Variants in PIP5K1B observed in about 807,000 individuals in gnomAD.
PIP5K1B encodes phosphatidylinositol 4-phosphate 5-kinase type-1 beta.
Under a neutral mutation model 67.0 loss-of-function variants are expected in PIP5K1B, and 42 were observed. That is an observed-to-expected ratio of 0.63 (90% CI 0.49 to 0.81). The LOEUF (loss-of-function observed/expected upper bound fraction) is 0.81, where lower values mean the gene tolerates loss of function less well. Ranked by LOEUF, PIP5K1B falls within the 30% of genes least tolerant of loss-of-function variation. PIP5K1B has a pLI of 0.00. For missense variants in PIP5K1B, 459 were observed against 646.3 expected, an observed-to-expected ratio of 0.71 and a Z score of 3.14; for synonymous variants, 214 against 231.4, an observed-to-expected ratio of 0.92 and a Z score of 0.68.
At chr9:68,850,952 C>T (rs1022399763) in intron 4 of PIP5K1B, among the ~76,000 whole-genome samples, 2 of 152,124 alleles carry the variant, frequency 1.3e-5, no homozygotes, top group African/African-American at 2.4e-5. Context: ...ATATATACAG[C>T]AAATATAACA....
chr9:68,888,270 G>A (rs1824590310), intron 6 of PIP5K1B, among the ~76,000 whole-genome samples: 1 of 152,164 alleles, frequency 6.6e-6, no homozygotes, highest in Non-Finnish European at 1.5e-5. Context: ...GAGCCACCAC[G>A]CCTGGCCCCA....
At chr9:68,968,630 A>C (rs1054711148) in intron 14 of PIP5K1B, among the ~76,000 whole-genome samples, 2 of 151,738 alleles carry the variant, frequency 1.3e-5, no homozygotes, top group African/African-American at 4.8e-5. Flanking sequence ...ATTTCAATAC[A>C]TTCTGCTCTT....
At chr9:68,908,915 C>T (rs1825736259) in intron 8 of PIP5K1B, among the ~76,000 whole-genome samples, 1 of 152,204 alleles carries the variant, frequency 6.6e-6, no homozygotes, top group African/African-American at 2.4e-5. Flanking sequence ...GGAAACATTA[C>T]TCAGGACCCT....
At chr9:68,949,272 C>G (rs1827945196) in intron 14 of PIP5K1B, among the ~76,000 whole-genome samples, 1 of 152,198 alleles carries the variant, frequency 6.6e-6, no homozygotes, top group Non-Finnish European at 1.5e-5. Context: ...TTCGTGGAGC[C>G]TCTAGAGAAA....
chr9:68,946,097 C>CTAAA (rs1416644213), intron 14 of PIP5K1B, among the ~76,000 whole-genome samples: 1 of 152,196 alleles, frequency 6.6e-6, no homozygotes, highest in Non-Finnish European at 1.5e-5. Context: ...TAGATATGTT[C>CTAAA]CTGCTGGGTT....
intron 6 of PIP5K1B, among the ~76,000 whole-genome samples, chr9:68,880,568 CACACACACACACACACACACGCAT>C (rs1308470737): frequency 7.1e-4 from 37 of 52,280 alleles, no homozygotes; most frequent in African/African-American, 1.4e-3. Context: ...CACACACACA[CACACACACACACACACACACGCAT>C]ACACACACAC....
At chr9:68,970,452 C>T (rs1192382120) in intron 14 of PIP5K1B, among the ~76,000 whole-genome samples, 1 of 152,152 alleles carries the variant, frequency 6.6e-6, no homozygotes, top group Admixed American at 6.5e-5. Context: ...CCTACCCAAG[C>T]AATATGCATG....
At chr9:68,730,816 A>G (rs1311909307) in intron 1 of PIP5K1B, among the ~76,000 whole-genome samples, 3 of 152,236 alleles carry the variant, frequency 2.0e-5, no homozygotes, top group Non-Finnish European at 4.4e-5. Context: ...TATGCTGGGT[A>G]CAAATTCAAA....
At chr9:68,830,797 T>C (rs1390326686) in intron 4 of PIP5K1B, among the ~76,000 whole-genome samples, 2 of 152,146 alleles carry the variant, frequency 1.3e-5, no homozygotes, top group Admixed American at 1.3e-4. Context: ...TGGCCCATGT[T>C]CTCAGGGCAC....
chr9:68,995,527 C>G (rs547203541), intron 15 of PIP5K1B, among the ~76,000 whole-genome samples: 1 of 152,116 alleles, frequency 6.6e-6, no homozygotes, highest in African/African-American at 2.4e-5. Context: ...AAATGGAGGC[C>G]GGGCACAGTG....
chr9:68,882,326 G>A (rs1322469917), intron 6 of PIP5K1B, among the ~76,000 whole-genome samples: 3 of 152,220 alleles, frequency 2.0e-5, no homozygotes, highest in African/African-American at 7.2e-5. Context: ...GCATAATGGT[G>A]ATACTCCTGT....
intron 5 of PIP5K1B, among the ~76,000 whole-genome samples, chr9:68,867,819 C>T (rs1823435726): frequency 6.6e-6 from 1 of 152,194 alleles, no homozygotes; most frequent in African/African-American, 2.4e-5. Flanking sequence ...CCAAAACATT[C>T]TGCAGTCTCT....
At chr9:68,772,988 AG>A (rs1423296396) in intron 2 of PIP5K1B, among the ~76,000 whole-genome samples, 1 of 152,178 alleles carries the variant, frequency 6.6e-6, no homozygotes, top group Non-Finnish European at 1.5e-5. Flanking sequence ...CCACTTCATA[AG>A]TGACAAAAGT....
intron 2 of PIP5K1B, chr9:68,780,304 CTT>C: frequency 6.3e-7 from 1 of 1,599,822 alleles, no homozygotes; most frequent in Non-Finnish European, 8.5e-7. Context: ...CTCAGTGACA[CTT>C]CGCCGGTGTT....
chr9:68,883,719 T>A (rs896689700), intron 6 of PIP5K1B, among the ~76,000 whole-genome samples: 1 of 152,078 alleles, frequency 6.6e-6, no homozygotes, highest in African/African-American at 2.4e-5. Flanking sequence ...GATGCCTACA[T>A]CCTCAAGATA....
chr9:68,709,204 A>G (rs1827265824), intron 1 of PIP5K1B, among the ~76,000 whole-genome samples: 1 of 152,158 alleles, frequency 6.6e-6, no homozygotes, highest in African/African-American at 2.4e-5. Context: ...TTCTTGCCCA[A>G]GCAGATGCCA....
chr9:68,719,506 T>A (rs1243335397), intron 1 of PIP5K1B, among the ~76,000 whole-genome samples: 1 of 152,220 alleles, frequency 6.6e-6, no homozygotes, highest in Non-Finnish European at 1.5e-5. Flanking sequence ...GTTCTGAGGT[T>A]TACGACTGCA....
At chr9:68,994,231 G>A (rs112840830) in intron 15 of PIP5K1B, among the ~76,000 whole-genome samples, 10,415 of 151,658 alleles carry the variant, frequency 0.069, 419 homozygotes, top group African/African-American at 0.11. Context: ...CACTAGAGAC[G>A]GGGTTTCGCC....
rs370166524 is a variant in PIP5K1B, at chr9:68,822,735, C to A, written c.69+52C>A. The stretch of plus-strand genomic sequence containing the variant: ...AGGAACACCGTTTTGCTGTTTGGCA[C>A]GTGAATATTATCAAAGGCCTTTCCT... On this transcript the variant is annotated intron_variant, in intron 4 of 15. Coordinates refer to ENST00000265382, the MANE Select transcript of PIP5K1B (RefSeq NM_003558.4). 6 of 1,249,204 alleles carry A rather than the reference C, an allele frequency of 4.8e-6. No homozygotes were observed. The African/African-American group carries it at 7.4e-5, about 15-fold the overall frequency. 77.4% of individuals were successfully genotyped at this position (1,249,204 alleles called of 1,614,324 possible).
Sources: gnomAD v4.1 joint callset for allele counts (sites outside exome capture counted in the v4.1 genomes callset) on GRCh38, gnomAD v4.1.1 for gene constraint, MANE v1.5 for transcripts, NCBI Gene and HGNC (gene_info 2026-07-23, HGNC 2026-07-21) for gene names.